Variants in CORO2B observed in about 807,000 individuals in gnomAD.
CORO2B encodes the protein coronin 2B.
A neutral mutation model predicts 58.8 loss-of-function variants in CORO2B; 26 were observed. That is an observed-to-expected ratio of 0.44 (90% CI 0.32 to 0.61). The LOEUF (loss-of-function observed/expected upper bound fraction) is 0.61. CORO2B is among the 20% of genes least tolerant of loss of function. The pLI, the probability that CORO2B is intolerant of heterozygous loss-of-function variation, is 0.04. For missense variants in CORO2B, 460 were observed against 645.1 expected (o/e 0.71, Z 3.11); for synonymous variants, 242 against 253.8 (o/e 0.95, Z 0.44).
chr15:68,640,511 TAAA>T (rs10715792), intron 1 of CORO2B, among the ~76,000 whole-genome samples: 4 of 146,182 alleles, frequency 2.7e-5, no homozygotes, highest in African/African-American at 2.5e-5. Context: ...CAATGCTATT[TAAA>T]AAAAAAAAAA....
At chr15:68,595,194 A>G (rs1006917708) in intron 1 of CORO2B, among the ~76,000 whole-genome samples, 7 of 152,222 alleles carry the variant, frequency 4.6e-5, no homozygotes, top group African/African-American at 1.7e-4. Context: ...TTGTGGGGTC[A>G]GGCCAGAGAG....
chr15:68,555,299 C>T, the CORO2B span, among the ~76,000 whole-genome samples: 7 of 152,222 alleles, frequency 4.6e-5, no homozygotes, highest in African/African-American at 7.2e-5. Flanking sequence ...CCTTCCTCCA[C>T]GGTTCCCCTC....
intron 2 of CORO2B, among the ~76,000 whole-genome samples, chr15:68,693,552 G>C (rs1892436611): frequency 6.6e-6 from 1 of 152,176 alleles, no homozygotes; most frequent in Non-Finnish European, 1.5e-5. Flanking sequence ...GCAGGAAAAA[G>C]ACCTGAGAGA....
At chr15:68,626,393 G>A (rs1373810354) in intron 1 of CORO2B, among the ~76,000 whole-genome samples, 1 of 151,628 alleles carries the variant, frequency 6.6e-6, no homozygotes, top group African/African-American at 2.4e-5. Context: ...AACTAATTTA[G>A]AACATGCTTA....
At chr15:68,587,357 G>C (rs1220830482) in intron 1 of CORO2B, among the ~76,000 whole-genome samples, 1 of 152,180 alleles carries the variant, frequency 6.6e-6, no homozygotes, top group African/African-American at 2.4e-5. Flanking sequence ...GGCTCTGGCT[G>C]CCCAGAGCGG....
the CORO2B span, among the ~76,000 whole-genome samples, chr15:68,550,442 C>A: frequency 1.3e-5 from 2 of 152,162 alleles, no homozygotes; most frequent in Non-Finnish European, 1.5e-5. Flanking sequence ...TTCAGCCACA[C>A]CCCGACCAAT....
At chr15:68,611,377 T>C (rs1900243858) in intron 1 of CORO2B, among the ~76,000 whole-genome samples, 1 of 152,200 alleles carries the variant, frequency 6.6e-6, no homozygotes, top group African/African-American at 2.4e-5. Context: ...GCATTGGGTG[T>C]TTTCCTTTCA....
At chr15:68,594,768 G>A (rs1424566281) in intron 1 of CORO2B, among the ~76,000 whole-genome samples, 3 of 152,188 alleles carry the variant, frequency 2.0e-5, no homozygotes, top group Admixed American at 6.5e-5. Context: ...AGGAAGTGGG[G>A]TGGGATTCCT....
At chr15:68,655,946 G>A (rs1472396663) in intron 2 of CORO2B, among the ~76,000 whole-genome samples, 1 of 152,200 alleles carries the variant, frequency 6.6e-6, no homozygotes, top group Non-Finnish European at 1.5e-5. Flanking sequence ...AAGGTTGCCT[G>A]GCTTGAAACA....
In CORO2B at chr15:68,726,080, G is replaced by A. The variant is rs1596044377; in HGVS notation, c.*106G>A. 3.4e-6 allele frequency: 5 copies of A among 1,472,682 alleles called. No homozygotes were observed. The highest frequency in any genetic ancestry group is 2.4e-5 in the East Asian group (1 of 41,090). 91.2% of individuals were successfully genotyped at this position (1,472,682 alleles called of 1,614,324 possible). The stretch of plus-strand genomic sequence containing the variant: ...AGAGACAGAGCCAGGACAGGAGTGG[G>A]GGCCAGCCTGAGGACCCCCGCCTAC... On this transcript the variant is annotated 3_prime_UTR_variant, in exon 12 of 12. Coordinates refer to ENST00000261861, the MANE Select transcript of CORO2B (RefSeq NM_006091.5).
intron 1 of CORO2B, among the ~76,000 whole-genome samples, chr15:68,633,937 C>G (rs1404722941): frequency 1.3e-5 from 2 of 152,262 alleles, no homozygotes; most frequent in Non-Finnish European, 2.9e-5. Flanking sequence ...ACGTCTTGGT[C>G]TGTGGGCCAG....
chr15:68,545,627 T>TATTTTATA, the CORO2B span, among the ~76,000 whole-genome samples: 2 of 128,002 alleles, frequency 1.6e-5, no homozygotes, highest in African/African-American at 2.9e-5. Context: ...GGGGTAATAC[T>TATTTTATA]GGGCGAGGGG....
chr15:68,676,336 G>A (rs938896894), intron 2 of CORO2B, among the ~76,000 whole-genome samples: 1 of 152,212 alleles, frequency 6.6e-6, no homozygotes, highest in African/African-American at 2.4e-5. Flanking sequence ...AAACCCTCCA[G>A]AGGATTCTGA....
chr15:68,543,701 A>T, the CORO2B span, among the ~76,000 whole-genome samples: 3 of 151,196 alleles, frequency 2.0e-5, no homozygotes, highest in East Asian at 5.9e-4. Flanking sequence ...ACTTCTATCG[A>T]CTCCTATGCC....
intron 1 of CORO2B, among the ~76,000 whole-genome samples, chr15:68,604,075 T>A (rs895960114): frequency 2.0e-5 from 3 of 152,160 alleles, no homozygotes; most frequent in Admixed American, 1.3e-4. Flanking sequence ...TTGTGAGCAC[T>A]GAGTGTATTT....
At chr15:68,631,569 C>A (rs1396375042) in intron 1 of CORO2B, among the ~76,000 whole-genome samples, 2 of 152,176 alleles carry the variant, frequency 1.3e-5, no homozygotes, top group Non-Finnish European at 2.9e-5. Flanking sequence ...AGTCGGCAAC[C>A]TTTAGACTTC....
chr15:68,715,105 A>T, intron 7 of CORO2B, 110 bp from the exon 8 acceptor site: 1 of 962,290 alleles, frequency 1.0e-6, no homozygotes. Flanking sequence ...GGTTTTTTTA[A>T]CTGCCCATGA....
chr15:68,576,173 A>AGAAAG (rs769251126), upstream of CORO2B, among the ~76,000 whole-genome samples: 27 of 103,912 alleles, frequency 2.6e-4, no homozygotes, highest in African/African-American at 1.1e-3. Context: ...AAAAAAAAAA[A>AGAAAG]AAAGAAAGAA....
intron 11 of CORO2B, among the ~76,000 whole-genome samples, chr15:68,721,832 C>T (rs563267863): frequency 6.6e-6 from 1 of 152,280 alleles, no homozygotes; most frequent in East Asian, 1.9e-4. Flanking sequence ...ACTATAACCT[C>T]AATCTCCGAG....
Sources: gnomAD v4.1 joint callset for allele counts (sites outside exome capture counted in the v4.1 genomes callset) on GRCh38, gnomAD v4.1.1 for gene constraint, MANE v1.5 for transcripts, NCBI Gene and HGNC (gene_info 2026-07-23, HGNC 2026-07-21) for gene names.